The following KDM5B variants were observed in gnomAD, a reference collection of about 807,000 sequenced individuals.
KDM5B encodes the protein lysine-specific demethylase 5B.
Under a neutral mutation model 193.4 loss-of-function variants are expected in KDM5B, and 144 were observed. That is an observed-to-expected ratio of 0.74 (90% CI 0.65 to 0.86). The LOEUF (loss-of-function observed/expected upper bound fraction) is 0.86, where lower values mean the gene tolerates loss of function less well. KDM5B is among the 40% of genes least tolerant of loss of function. KDM5B has a pLI of 0.00. For synonymous variants in KDM5B, 668 were observed against 682.6 expected, an observed-to-expected ratio of 0.98 and a Z score of 0.33; for missense variants, 1,833 against 1,886.9, an observed-to-expected ratio of 0.97 and a Z score of 0.53.
At chr1:202,785,351 C>T (rs1657364709) in intron 1 of KDM5B, among the ~76,000 whole-genome samples, 2 of 152,098 alleles carry the variant, frequency 1.3e-5, no homozygotes, top group African/African-American at 2.4e-5. Context: ...CTATATTTTC[C>T]CATTGTTATT....
At chr1:202,807,989 G>A (rs967562702) in intron 1 of KDM5B, 113 bp downstream of exon 1, 9 of 1,106,202 alleles carry the variant, frequency 8.1e-6, no homozygotes, top group Non-Finnish European at 1.1e-5. Flanking sequence ...AACTTGACGA[G>A]GCCGGCGGGG....
At chr1:202,775,856 C>CAAAAAAAA (rs35222749) in intron 2 of KDM5B, among the ~76,000 whole-genome samples, 1 of 21,426 alleles carries the variant, frequency 4.7e-5, no homozygotes, top group African/African-American at 1.9e-4. Context: ...ACTCTTGTCT[C>CAAAAAAAA]AAAAAAAAAA....
intron 20 of KDM5B, among the ~76,000 whole-genome samples, chr1:202,738,402 T>G (rs1308906626): frequency 1.3e-5 from 2 of 152,240 alleles, no homozygotes; most frequent in Non-Finnish European, 2.9e-5. Flanking sequence ...CATTGACAAG[T>G]GCCTGCATCT....
intron 5 of KDM5B, among the ~76,000 whole-genome samples, chr1:202,764,573 T>A (rs1453461193): frequency 6.6e-6 from 1 of 152,048 alleles, no homozygotes; most frequent in African/African-American, 2.4e-5. Context: ...AGATGGAGGC[T>A]GCAGTGAGCT....
intron 4 of KDM5B, among the ~76,000 whole-genome samples, chr1:202,769,775 CTTCTA>C (rs1359502814): frequency 2.0e-5 from 3 of 151,234 alleles, no homozygotes; most frequent in Non-Finnish European, 2.9e-5. Flanking sequence ...AGAACATTGC[CTTCTA>C]TTCTATAACA....
At chr1:202,774,863 GCT>G (rs1293455868) in intron 2 of KDM5B, 128 bp from the exon 3 acceptor site, 1 of 753,376 alleles carries the variant, frequency 1.3e-6, no homozygotes, top group African/African-American at 1.8e-5. Flanking sequence ...TTAATTTAAT[GCT>G]CTTTCAGCAA....
At chr1:202,752,011 C>T (rs901500555) in intron 12 of KDM5B, among the ~76,000 whole-genome samples, 4 of 152,146 alleles carry the variant, frequency 2.6e-5, no homozygotes, top group African/African-American at 9.7e-5. Context: ...AATGAAAGTC[C>T]TTTCTGTTGT....
chr1:202,731,074 C>T lies in KDM5B; in HGVS notation c.4022-11G>A. Reference sequence around the variant, plus strand: ...CTTCTGGACTAACACCTGTAAAAGACCAGACCAAATCAAAATGATAACAAC... The same window carrying T: ...CTTCTGGACTAACACCTGTAAAAGATCAGACCAAATCAAAATGATAACAAC... On this transcript the variant is annotated splice_polypyrimidine_tract_variant and intron_variant, in intron 24 of 26. Coordinates refer to ENST00000367265, the MANE Select transcript of KDM5B (RefSeq NM_006618.5). The T allele has an allele frequency of 6.3e-7, 1 of 1,582,512 alleles. No individual in the cohort carries two copies. The highest frequency in any genetic ancestry group is 8.6e-7 in the Non-Finnish European group (1 of 1,161,728).
chr1:202,746,370 C>T (rs780310136), intron 14 of KDM5B, 47 bp from the exon 15 acceptor site: 1 of 1,318,484 alleles, frequency 7.6e-7, no homozygotes, highest in Non-Finnish European at 1.0e-6. Context: ...ATAATATAAT[C>T]CACCAGCCCA....
Position 202,752,894 on chromosome 1 carries a change from C to T in KDM5B, c.1701+11G>A. ...AAGCTTGAGTGGCAGGAGGATTAAC[C>T]CAGAACATACAGGCACTTCATGAGT... On this transcript the variant is annotated intron_variant, in intron 12 of 26. Coordinates refer to ENST00000367265, the MANE Select transcript of KDM5B (RefSeq NM_006618.5). 1 of 1,609,302 alleles carries T rather than the reference C, an allele frequency of 6.2e-7. No individual in the cohort carries two copies. The highest frequency in any genetic ancestry group is 8.5e-7 in the Non-Finnish European group (1 of 1,178,228).
chr1:202,782,922 G>A (rs1306485881), intron 1 of KDM5B, among the ~76,000 whole-genome samples: 1 of 152,084 alleles, frequency 6.6e-6, no homozygotes, highest in African/African-American at 2.4e-5. Flanking sequence ...AGGCCAAAAG[G>A]GGGAGGACTG....
At chr1:202,736,965 TA>T (rs1404325483) in intron 20 of KDM5B, among the ~76,000 whole-genome samples, 1 of 152,210 alleles carries the variant, frequency 6.6e-6, no homozygotes, top group Non-Finnish European at 1.5e-5. Context: ...TGCTAGGCTC[TA>T]AGGATACAAA....
At chr1:202,797,478 C>CAATAAATA (rs961496308) in intron 1 of KDM5B, among the ~76,000 whole-genome samples, 1 of 152,114 alleles carries the variant, frequency 6.6e-6, no homozygotes, top group Admixed American at 6.5e-5. Context: ...TAATTAACTT[C>CAATAAATA]AATAAATAAA....
intron 13 of KDM5B, 53 bp from the exon 14 acceptor site, chr1:202,749,192 A>G: frequency 2.0e-6 from 3 of 1,478,868 alleles, no homozygotes; most frequent in Non-Finnish European, 2.8e-6. Flanking sequence ...TTCTATTTCC[A>G]AACACCTCTG....
chr1:202,796,129 A>G (rs1285683766), intron 1 of KDM5B: 3 of 217,436 alleles, frequency 1.4e-5, no homozygotes, highest in East Asian at 1.5e-4. Flanking sequence ...ACCCCTGGAC[A>G]TGGTGGAAGG....
In KDM5B at chr1:202,736,387, TC is replaced by T; in HGVS notation, c.3089del (p.Gly1030GlufsTer7). On this transcript the variant is annotated frameshift_variant, in exon 21 of 27. Coordinates refer to ENST00000367265, the MANE Select transcript of KDM5B (RefSeq NM_006618.5). LOFTEE classifies it high-confidence loss of function. The stretch of plus-strand genomic sequence containing the variant: ...GTGTGTCTAACACTGGCACACGTCC[TC>T]CAGCCTAATAAGTCAAGAAAAATTA... ...WLQDVEGLQAGGRVPVLDTLI... is the reference protein window; with the variant it reads ...WLQDVEGLQAXGRVPVLDTLI... The T allele has an allele frequency of 6.4e-7, 1 of 1,556,568 alleles. No individual in the cohort carries two copies. The highest frequency in any genetic ancestry group is 8.7e-7 in the Non-Finnish European group (1 of 1,150,356).
chr1:202,731,018 A>T lies in KDM5B; in HGVS notation c.4067T>A (p.Leu1356His). 1 of 1,613,748 alleles carries T rather than the reference A, an allele frequency of 6.2e-7. No homozygotes were observed. Among genetic ancestry groups the T allele is most frequent in the African/African-American group, 1.3e-5 (1 of 75,024 alleles). The change falls in exon 25 of 27, where the codon CTC (leucine) becomes CAC (histidine). Residue 1356 changes from leucine to histidine, a missense_variant. This residue lies in a region of KDM5B where 1,379 missense variants were observed against 1,349.6 expected (regional missense o/e 1.02). Coordinates refer to ENST00000367265, the MANE Select transcript of KDM5B (RefSeq NM_006618.5). ...CTGAATTTCAGGAAGGGATACCTGG[A>T]GCAGCTGGGCTTCCATCAATAGTTC... ...VNELLMEAQLLQVSLPEIQEL... is the reference protein window; with the variant it reads ...VNELLMEAQLHQVSLPEIQEL...
At chr1:202,774,258 T>A (rs1233492510) in intron 3 of KDM5B, among the ~76,000 whole-genome samples, 3 of 152,166 alleles carry the variant, frequency 2.0e-5, no homozygotes, top group South Asian at 2.1e-4. Flanking sequence ...TGTTCTTTCT[T>A]TTTTGAGACA....
rs538395648 is a variant in KDM5B at position 202,749,671 on chromosome 1, A to T, written c.1822-532T>A. ...ACATATCTTAATTAAAAAGTGGTTA[A>T]AAAAAAAAAAAAGACCCAGCATATT... On this transcript the variant is annotated intron_variant, in intron 13 of 26. Coordinates refer to ENST00000367265, the MANE Select transcript of KDM5B (RefSeq NM_006618.5). Among the ~76,000 whole-genome samples, 470 of 148,138 alleles carry T rather than the reference A, an allele frequency of 3.2e-3. 2 individuals carry two copies. The highest frequency in any genetic ancestry group is 2.0e-3 in the Non-Finnish European group (132 of 66,706).
Sources: gnomAD v4.1 joint callset for allele counts (sites outside exome capture counted in the v4.1 genomes callset) on GRCh38, gnomAD v4.1.1 for gene constraint, gnomAD v4.1.1 regional missense constraint, MANE v1.5 for transcripts, NCBI Gene and HGNC (gene_info 2026-07-23, HGNC 2026-07-21) for gene names.